Variants in PIGV observed in about 807,000 individuals in gnomAD.
PIGV encodes the protein GPI alpha-1,6-mannosyltransferase 2.
PIGV carries 27 observed loss-of-function variants against 39.2 expected under a neutral mutation model. The observed-to-expected ratio is 0.69, with a 90% CI of 0.51 to 0.95. The LOEUF (loss-of-function observed/expected upper bound fraction) is 0.95, where lower values mean the gene tolerates loss of function less well. Among genes scored for constraint, PIGV ranks in the 40% least tolerant of loss-of-function variants. PIGV has a pLI of 0.00. For missense variants in PIGV, 523 were observed against 586.4 expected (o/e 0.89, Z 1.12); for synonymous variants, 232 against 241.7 (o/e 0.96, Z 0.37).
intron 2 of PIGV, among the ~76,000 whole-genome samples, chr1:26,793,073 G>A (rs1395349733): frequency 2.0e-5 from 3 of 152,146 alleles, no homozygotes; most frequent in African/African-American, 4.8e-5. Context: ...TGGATGAACC[G>A]TCTGTCCTCT....
At chr1:26,789,387 C>G (rs1182315905) in intron 1 of PIGV, among the ~76,000 whole-genome samples, 1 of 152,190 alleles carries the variant, frequency 6.6e-6, no homozygotes, top group African/African-American at 2.4e-5. Context: ...GCCAACTTGG[C>G]TCCCTTTCTG....
In PIGV at chr1:26,794,289, T is replaced by C. The variant is rs2081349852; in HGVS notation, c.255T>C (p.Phe85=). Residue 85 remains phenylalanine, a synonymous_variant, in exon 3 of 4, where the codon TTT becomes TTC. Transcript: ENST00000674202. ...AEHGYLYEHN[F]AFFPGFPLAL... is the part of the protein sequence containing the mutation. Reference sequence around the variant, plus strand: ...ATGGCTACCTGTATGAGCACAACTTTGCCTTCTTTCCTGGTTTCCCCTTGG... The same window carrying C: ...ATGGCTACCTGTATGAGCACAACTTCGCCTTCTTTCCTGGTTTCCCCTTGG... The C allele has an allele frequency of 5.0e-6, 8 of 1,614,250 alleles. No individual in the cohort carries two copies. The highest frequency in any genetic ancestry group is 6.8e-6 in the Non-Finnish European group (8 of 1,180,038).
chr1:26,795,000 C>T lies in PIGV; in HGVS notation c.966C>T (p.Leu322=), dbSNP rs1171143484. The T allele has an allele frequency of 1.2e-6, 2 of 1,614,178 alleles. No homozygotes were observed. Among genetic ancestry groups the T allele is most frequent in the Admixed American group, 1.7e-5 (1 of 60,014 alleles). The part of the protein sequence containing the change: ...WNVGFLKYYE[L]KQVPNFLLAA... ...TTGGCTTTTTGAAATACTATGAGCT[C>T]AAGCAGGTGCCCAATTTTCTACTGG... Residue 322 remains leucine (L), a synonymous_variant, in exon 3 of 4, where the codon CTC becomes CTT. Coordinates refer to ENST00000674202, the MANE Select transcript of PIGV (RefSeq NM_017837.4).
chr1:26,791,010 C>A, intron 2 of PIGV, 117 bp downstream of exon 2: 1 of 823,880 alleles, frequency 1.2e-6, no homozygotes, highest in East Asian at 2.5e-5. Context: ...TGGTTGGAAC[C>A]ACAGAGACAT....
In PIGV at chr1:26,798,773, AGTT is replaced by A. The variant is rs1352673552; in HGVS notation, c.*930_*932del. On this transcript the variant is annotated 3_prime_UTR_variant, in exon 4 of 4. Transcript: ENST00000674202. The stretch of plus-strand genomic sequence containing the variant: ...GGCAAAAAGTAAAATAATTTTAAAA[AGTT>A]AAAATAATATAAATCAGCTGGGGGA... Among the ~76,000 whole-genome samples the A allele has an allele frequency of 2.6e-5, 4 of 152,212 alleles. No individual in the cohort carries two copies. The highest frequency in any genetic ancestry group is 2.6e-4 in the Admixed American group (4 of 15,286).
At position 26,797,982 on chromosome 1, in the gene PIGV, G is replaced by T; in HGVS notation, c.*138G>T. On this transcript the variant is annotated 3_prime_UTR_variant, in exon 4 of 4. Transcript: ENST00000674202. The stretch of plus-strand genomic sequence containing the variant: ...TCTTTCTCTTTCTCTTTGAAAGCTG[G>T]TCAGGAATGGGAGAAGTGTCAGACA... 1 of 843,954 alleles carries T rather than the reference G, an allele frequency of 1.2e-6. No individual in the cohort carries two copies. Among genetic ancestry groups the T allele is most frequent in the South Asian group, 1.4e-5 (1 of 69,448 alleles). The allele number at this position is 843,954 out of a possible 1,614,324, so 52.3% of individuals were successfully genotyped here.
intron 1 of PIGV, among the ~76,000 whole-genome samples, chr1:26,790,302 C>T (rs1232444685): frequency 6.6e-6 from 1 of 152,128 alleles, no homozygotes; most frequent in Non-Finnish European, 1.5e-5. Flanking sequence ...CAAATAATAG[C>T]AACCACAACA....
At chr1:26,789,831 A>G (rs2124178069) in intron 1 of PIGV, among the ~76,000 whole-genome samples, 1 of 152,188 alleles carries the variant, frequency 6.6e-6, no homozygotes. Context: ...ATAGTTCTTC[A>G]TCCCAAATTG....
chr1:26,795,280 ACC>A, intron 3 of PIGV, 46 bp downstream of exon 3: 1 of 1,609,020 alleles, frequency 6.2e-7, no homozygotes. Flanking sequence ...TACAGGCAAA[ACC>A]CCTTGGCCAA....
intron 1 of PIGV, among the ~76,000 whole-genome samples, chr1:26,790,140 A>T (rs2081291862): frequency 6.6e-6 from 1 of 152,032 alleles, no homozygotes; most frequent in Non-Finnish European, 1.5e-5. Flanking sequence ...TTCCTTCCCC[A>T]CTTAATTTAA....
At chr1:26,795,290 C>T (rs1557628987) in intron 3 of PIGV, 56 bp downstream of exon 3, 1 of 1,601,312 alleles carries the variant, frequency 6.2e-7, no homozygotes. Context: ...ACCCCTTGGC[C>T]AAGGACAGGG....
intron 3 of PIGV, among the ~76,000 whole-genome samples, 197 bp downstream of exon 3, chr1:26,795,431 G>A (rs996586474): frequency 1.3e-5 from 2 of 152,046 alleles, no homozygotes; most frequent in East Asian, 1.9e-4. Flanking sequence ...ACAAAATTGC[G>A]GCCAGGCGCG....
At chr1:26,792,262 C>G (rs2081319585) in intron 2 of PIGV, among the ~76,000 whole-genome samples, 1 of 152,066 alleles carries the variant, frequency 6.6e-6, no homozygotes, top group Admixed American at 6.5e-5. Flanking sequence ...AAATGATTCT[C>G]CCTCCTCAGG....
intron 2 of PIGV, among the ~76,000 whole-genome samples, chr1:26,793,328 A>T (rs770820956): frequency 2.0e-5 from 3 of 152,318 alleles, no homozygotes; most frequent in African/African-American, 7.2e-5. Context: ...CAGTCTAGGT[A>T]GACTTCTCTC....
At chr1:26,792,189 T>G (rs1382263861) in intron 2 of PIGV, among the ~76,000 whole-genome samples, 1 of 151,922 alleles carries the variant, frequency 6.6e-6, no homozygotes, top group African/African-American at 2.4e-5. Context: ...TCTCGCCCTG[T>G]CCCCCCAGGC....
Position 26,795,063 on chromosome 1 carries a change from G to A in PIGV, c.1029G>A (p.Trp343Ter). 1 of 1,614,192 alleles carries A rather than the reference G, an allele frequency of 6.2e-7. No individual in the cohort carries two copies. ...PVAILVAWAT[W>*]TYVTTHPWLC... is the part of the protein sequence containing the mutation. Reference sequence around the variant, plus strand: ...CTATACTGGTTGCCTGGGCAACTTGGACATACGTGACCACTCACCCTTGGC... The same window carrying A: ...CTATACTGGTTGCCTGGGCAACTTGAACATACGTGACCACTCACCCTTGGC... Residue 343 changes from tryptophan (W) to a stop codon, truncating the protein, a stop_gained, in exon 3 of 4, where the codon TGG becomes TGA. Coordinates refer to ENST00000674202, the MANE Select transcript of PIGV (RefSeq NM_017837.4). LOFTEE classifies it high-confidence loss of function.
intron 3 of PIGV, among the ~76,000 whole-genome samples, chr1:26,797,038 C>T (rs940639302): frequency 2.6e-5 from 4 of 152,158 alleles, no homozygotes; most frequent in Non-Finnish European, 5.9e-5. Flanking sequence ...AGTAGCATTC[C>T]GTGTTTTTAG....
In PIGV at chr1:26,797,687, A is replaced by ACT; in HGVS notation, c.1327_1328dup (p.Pro445HisfsTer29). ...GTGCCTTGGAAGCCTCTTGCAGAGGACTCCCCACCAGGACAAAAGGTCCCC... is the reference window on the plus strand; with the variant it reads ...GTGCCTTGGAAGCCTCTTGCAGAGGACTCTCCCCACCAGGACAAAAGGTCCCC... On this transcript the variant is annotated frameshift_variant, in exon 4 of 4. Coordinates refer to ENST00000674202, the MANE Select transcript of PIGV (RefSeq NM_017837.4). LOFTEE classifies it high-confidence loss of function. 1 of 1,613,894 alleles carries ACT rather than the reference A, an allele frequency of 6.2e-7. No homozygotes were observed. Among genetic ancestry groups the ACT allele is most frequent in the Non-Finnish European group, 8.5e-7 (1 of 1,179,956 alleles).
Position 26,790,823 on chromosome 1 carries a change from C to A in PIGV, c.8C>A (p.Pro3His). 2 of 1,613,844 alleles carry A rather than the reference C, an allele frequency of 1.2e-6. No individual in the cohort carries two copies. Among genetic ancestry groups the A allele is most frequent in the Non-Finnish European group, 1.7e-6 (2 of 1,179,804 alleles). Residue 3 changes from proline to histidine, a missense_variant, in exon 2 of 4, where the codon CCC becomes CAC. By Grantham distance (77) the Pro-to-His change is moderately conservative. Coordinates refer to ENST00000674202, the MANE Select transcript of PIGV (RefSeq NM_017837.4). MW[P>H]QDPSRKEVLR... ...ATTCCTGGTGGTGAAAGGATGTGGC[C>A]CCAGGACCCATCCCGGAAGGAGGTG... is the stretch of plus-strand genomic sequence containing the variant.
Sources: gnomAD v4.1 joint callset for allele counts (sites outside exome capture counted in the v4.1 genomes callset) on GRCh38, gnomAD v4.1.1 for gene constraint, MANE v1.5 for transcripts, NCBI Gene and HGNC (gene_info 2026-07-23, HGNC 2026-07-21) for gene names.